RBFOX2: variants seen among roughly 807,000 people sequenced by gnomAD.
RBFOX2 encodes RNA binding fox-1 homolog 2, also known as RNA binding protein fox-1 homolog 2.
RBFOX2 carries 10 observed loss-of-function variants against 49.1 expected under a neutral mutation model. That is an observed-to-expected ratio of 0.20 (90% confidence interval 0.13 to 0.35). RBFOX2 has a LOEUF of 0.35. Among genes scored for constraint, RBFOX2 ranks in the 10% least tolerant of loss-of-function variants. The probability of loss-of-function intolerance (pLI) is 1.00; values close to 1 mark genes in which losing one functional copy is unlikely to be tolerated. For missense variants in RBFOX2, 323 were observed against 486.9 expected, an observed-to-expected ratio of 0.66 and a Z score of 3.17; for synonymous variants, 183 against 187.4, an observed-to-expected ratio of 0.98 and a Z score of 0.19.
intron 9 of RBFOX2, among the ~76,000 whole-genome samples, chr22:35,758,998 T>C (rs1362102711): frequency 6.6e-6 from 1 of 152,202 alleles, no homozygotes; most frequent in East Asian, 1.9e-4. Context: ...TATGTCATAT[T>C]GACATTATCT....
intron 1 of RBFOX2, among the ~76,000 whole-genome samples, chr22:35,960,571 AT>A (rs2056087882): frequency 6.6e-6 from 1 of 152,184 alleles, no homozygotes; most frequent in Admixed American, 6.5e-5. Context: ...TGCTACCATC[AT>A]TCAAAACACG....
exon 1 of RBFOX2, chr22:35,961,570 G>A: frequency 1.5e-6 from 2 of 1,303,814 alleles, no homozygotes; most frequent in Non-Finnish European, 2.0e-6. Flanking sequence ...AACCTCACAG[G>A]GGTTCCTGGG....
At chr22:35,848,580 A>G (rs1335163377) in intron 1 of RBFOX2, among the ~76,000 whole-genome samples, 1 of 152,186 alleles carries the variant, frequency 6.6e-6, no homozygotes, top group African/African-American at 2.4e-5. Flanking sequence ...TAGGCCCAAA[A>G]TACCTAATAA....
intron 1 of RBFOX2, among the ~76,000 whole-genome samples, chr22:35,968,340 A>C (rs1470352810): frequency 6.6e-6 from 1 of 152,238 alleles, no homozygotes; most frequent in African/African-American, 2.4e-5. Flanking sequence ...CTATTCTATC[A>C]TAAGCCTCAA....
At chr22:36,027,467 T>C (rs956052767) in intron 1 of RBFOX2, among the ~76,000 whole-genome samples, 2 of 152,232 alleles carry the variant, frequency 1.3e-5, no homozygotes, top group African/African-American at 4.8e-5. Flanking sequence ...TAACCACGTT[T>C]ATCTTTCAAT....
chr22:35,878,202 G>GC (rs1257455725), intron 1 of RBFOX2, among the ~76,000 whole-genome samples: 1 of 152,006 alleles, frequency 6.6e-6, no homozygotes, highest in Admixed American at 6.6e-5. Context: ...TTCAAGACCA[G>GC]CCTGGCGAAC....
intron 1 of RBFOX2, chr22:36,000,554 G>T (rs1318163219): frequency 6.7e-6 from 1 of 148,254 alleles, no homozygotes; most frequent in African/African-American, 2.5e-5. Context: ...CTAAGAAAAA[G>T]AAAAAAATGG....
chr22:35,775,858 A>G (rs528774710), intron 4 of RBFOX2, among the ~76,000 whole-genome samples: 44 of 150,136 alleles, frequency 2.9e-4, no homozygotes, highest in Non-Finnish European at 4.3e-4. Flanking sequence ...AAAAAAAAAA[A>G]AAAGAAAAGA....
chr22:35,996,745 T>C (rs946597524), intron 1 of RBFOX2: 1 of 151,642 alleles, frequency 6.6e-6, no homozygotes, highest in Non-Finnish European at 1.5e-5. Flanking sequence ...AGCAGAGAAA[T>C]AGCCCCAAGG....
Position 35,909,591 on chromosome 22 carries a change from A to G in RBFOX2, c.-34+29256T>C, listed in dbSNP as rs568777740. On this transcript the variant is annotated intron_variant, in intron 1 of 13. Coordinates refer to the RBFOX2 transcript ENST00000359369. ...GTTTCTACTTAGTATGCAACAATCTATCATGAAAAGTGCAATGTCTCCGAG... is the reference window on the plus strand; with the variant it reads ...GTTTCTACTTAGTATGCAACAATCTGTCATGAAAAGTGCAATGTCTCCGAG... Among the ~76,000 whole-genome samples, 12 of 152,342 alleles carry G rather than the reference A, an allele frequency of 7.9e-5. No individual in the cohort carries two copies. The South Asian group carries it at 2.3e-3, about 29-fold the overall frequency.
chr22:35,986,309 G>A (rs1350130913), intron 1 of RBFOX2, among the ~76,000 whole-genome samples: 2 of 152,136 alleles, frequency 1.3e-5, no homozygotes, highest in Non-Finnish European at 2.9e-5. Flanking sequence ...GATGAGGAAG[G>A]AGAATGAATA....
At chr22:35,906,451 G>GA (rs562683261) in intron 1 of RBFOX2, among the ~76,000 whole-genome samples, 31 of 151,920 alleles carry the variant, frequency 2.0e-4, no homozygotes, top group East Asian at 9.7e-4. Context: ...AAAAACAAAA[G>GA]AAAAAAAATC....
chr22:35,823,152 G>A (rs1035584437), intron 1 of RBFOX2, among the ~76,000 whole-genome samples: 1 of 152,128 alleles, frequency 6.6e-6, no homozygotes, highest in Non-Finnish European at 1.5e-5. Context: ...TAGAGAAAGG[G>A]GATGGCATAG....
upstream of RBFOX2, among the ~76,000 whole-genome samples, chr22:35,964,296 C>T (rs1030805557): frequency 1.3e-5 from 2 of 152,170 alleles, no homozygotes; most frequent in African/African-American, 2.4e-5. Flanking sequence ...ATATAGGACA[C>T]TTGACATCAA....
chr22:35,869,309 C>T (rs1014984916), intron 1 of RBFOX2, among the ~76,000 whole-genome samples: 5 of 151,768 alleles, frequency 3.3e-5, no homozygotes, highest in Admixed American at 2.0e-4. Flanking sequence ...AGGCACCCAC[C>T]GCCACGCCTG....
chr22:35,744,314 A>G, intron 11 of RBFOX2, 65 bp from the exon 14 acceptor site: 1 of 1,443,742 alleles, frequency 6.9e-7, no homozygotes. Flanking sequence ...CAGTGAAGAA[A>G]AATGTCCAGA....
chr22:36,017,815 C>T (rs542946461), intron 1 of RBFOX2, among the ~76,000 whole-genome samples: 33 of 152,166 alleles, frequency 2.2e-4, no homozygotes, highest in Non-Finnish European at 3.1e-4. Flanking sequence ...CATATACACA[C>T]GTGCACTCAA....
At chr22:35,886,781 C>T (rs927231607) in intron 1 of RBFOX2, among the ~76,000 whole-genome samples, 3 of 152,138 alleles carry the variant, frequency 2.0e-5, no homozygotes, top group African/African-American at 7.2e-5. Flanking sequence ...TTGAACTGCA[C>T]TGATGAATGA....
At chr22:35,920,618 A>C (rs2050920875) in intron 1 of RBFOX2, among the ~76,000 whole-genome samples, 1 of 152,180 alleles carries the variant, frequency 6.6e-6, no homozygotes, top group South Asian at 2.1e-4. Context: ...TACCCATAGT[A>C]CCAAAGCACT....
Sources: gnomAD v4.1 joint callset for allele counts (sites outside exome capture counted in the v4.1 genomes callset) on GRCh38, gnomAD v4.1.1 for gene constraint, MANE v1.5 for transcripts, NCBI Gene and HGNC (gene_info 2026-07-23, HGNC 2026-07-21) for gene names.